The following SNX29 variants were observed in gnomAD, a reference collection of about 807,000 sequenced individuals.
SNX29 encodes sorting nexin-29.
SNX29 carries 78 observed loss-of-function variants against 102.1 expected under a neutral mutation model. The ratio of observed to expected loss-of-function variants is 0.76; its 90% CI spans 0.64 to 0.92. The LOEUF is 0.92. SNX29 is among the 40% of genes least tolerant of loss of function. The pLI is 0.00. For synonymous variants in SNX29, 580 were observed against 414.5 expected (o/e 1.40, Z -4.85); for missense variants, 1,280 against 1,061.7 (o/e 1.21, Z -2.86).
intron 20 of SNX29, among the ~76,000 whole-genome samples, chr16:12,532,736 C>G (rs138284881): frequency 6.6e-6 from 1 of 152,184 alleles, no homozygotes; most frequent in Non-Finnish European, 1.5e-5. Flanking sequence ...AGGTGTTGGC[C>G]TTGGATGGAA....
chr16:12,129,676 C>T lies in SNX29; in HGVS notation c.1513C>T (p.Leu505Phe). The stretch of plus-strand genomic sequence containing the variant: ...CGGTGAGATGGAGCACTCAGCCGCG[C>T]TCCGGCAAGAGGTGGACACCTTGAA... ...LDGEMEHSAA[L>F]RQEVDTLKRK... The change falls in exon 13 of 21, where the codon CTC (leucine) becomes TTC (phenylalanine). Residue 505 changes from leucine (L) to phenylalanine (F), a missense_variant. Transcript: ENST00000566228. 1 of 1,611,348 alleles carries T rather than the reference C, an allele frequency of 6.2e-7. No homozygotes were observed.
chr16:12,111,868 C>T (rs12596227), intron 11 of SNX29, among the ~76,000 whole-genome samples: 11,068 of 152,152 alleles, frequency 0.073, 592 homozygotes, highest in Non-Finnish European at 0.11. Context: ...AGATCCGTGT[C>T]GCCTGCTTCT....
At chr16:12,181,093 A>C (rs1364733469) in intron 13 of SNX29, among the ~76,000 whole-genome samples, 4 of 152,126 alleles carry the variant, frequency 2.6e-5, no homozygotes, top group African/African-American at 9.7e-5. Flanking sequence ...GTTACCGTGG[A>C]TCTCCTTGCG....
chr16:12,183,262 A>G (rs1227531788), intron 13 of SNX29, among the ~76,000 whole-genome samples: 2 of 152,180 alleles, frequency 1.3e-5, no homozygotes, highest in African/African-American at 2.4e-5. Context: ...TAGCCTCCCA[A>G]AGTGCTGAGA....
intron 8 of SNX29, among the ~76,000 whole-genome samples, chr16:12,053,588 AATCTT>A (rs1444090297): frequency 6.6e-6 from 1 of 152,152 alleles, no homozygotes; most frequent in East Asian, 1.9e-4. Flanking sequence ...ATCTGACCTA[AATCTT>A]ATGGTATTGT....
At chr16:12,035,439 G>A (rs2057448619) in intron 4 of SNX29, among the ~76,000 whole-genome samples, 1 of 152,136 alleles carries the variant, frequency 6.6e-6, no homozygotes, top group Non-Finnish European at 1.5e-5. Flanking sequence ...GGATGTGGGT[G>A]TATTATGCTG....
intron 14 of SNX29, among the ~76,000 whole-genome samples, chr16:12,271,921 C>CCT (rs1462322984): frequency 1.3e-5 from 2 of 152,162 alleles, no homozygotes; most frequent in African/African-American, 4.8e-5. Context: ...CTGTGCCCTG[C>CCT]CTGGGGTCCA....
chr16:12,340,251 T>C (rs2081573084), intron 15 of SNX29, among the ~76,000 whole-genome samples: 1 of 152,246 alleles, frequency 6.6e-6, no homozygotes, highest in Non-Finnish European at 1.5e-5. Flanking sequence ...TCCTGGTTAA[T>C]TTCTCAGATG....
intron 15 of SNX29, among the ~76,000 whole-genome samples, chr16:12,279,996 C>T (rs562502863): frequency 8.5e-5 from 13 of 152,206 alleles, no homozygotes; most frequent in African/African-American, 2.9e-4. Context: ...CAGCGCTCTC[C>T]GTGGAGATTC....
At chr16:12,233,622 G>C (rs1164231689) in intron 14 of SNX29, among the ~76,000 whole-genome samples, 1 of 152,124 alleles carries the variant, frequency 6.6e-6, no homozygotes, top group Non-Finnish European at 1.5e-5. Context: ...CAACTTTATT[G>C]AGATATAATT....
At position 12,568,492 on chromosome 16, in the gene SNX29, C is replaced by A; in HGVS notation, c.2319-14C>A. On this transcript the variant is annotated splice_polypyrimidine_tract_variant and intron_variant, in intron 20 of 20. Coordinates refer to ENST00000566228, the MANE Select transcript of SNX29 (RefSeq NM_032167.5). ...ATCCCCAGACTTAACCCGATTCTCT[C>A]CCTGCTCTTTCAGCGACATCACCCC... 1 of 1,609,100 alleles carries A rather than the reference C, an allele frequency of 6.2e-7. No homozygotes were observed. Among genetic ancestry groups the A allele is most frequent in the East Asian group, 2.2e-5 (1 of 44,868 alleles).
At chr16:12,309,791 C>T (rs1288854126) in intron 15 of SNX29, among the ~76,000 whole-genome samples, 3 of 152,116 alleles carry the variant, frequency 2.0e-5, no homozygotes, top group Non-Finnish European at 1.5e-5. Context: ...GGAAGGGTTT[C>T]CTTTAGAAAG....
At chr16:12,137,399 C>G (rs1259150463) in intron 13 of SNX29, among the ~76,000 whole-genome samples, 1 of 150,796 alleles carries the variant, frequency 6.6e-6, no homozygotes, top group Non-Finnish European at 1.5e-5. Context: ...TGACCTTCAG[C>G]TCCTCCTGGT....
intron 16 of SNX29, among the ~76,000 whole-genome samples, chr16:12,358,134 T>C (rs1431634628): frequency 6.6e-6 from 1 of 152,220 alleles, no homozygotes; most frequent in Non-Finnish European, 1.5e-5. Context: ...TTTTAGTGTA[T>C]GGCGTCTTAA....
At chr16:12,104,272 G>A (rs537638125) in intron 11 of SNX29, among the ~76,000 whole-genome samples, 7 of 152,196 alleles carry the variant, frequency 4.6e-5, no homozygotes, top group Admixed American at 1.3e-4. Context: ...TAAAAAACTT[G>A]TGTCCAGGTG....
intron 20 of SNX29, among the ~76,000 whole-genome samples, chr16:12,552,012 TA>T (rs1212889147): frequency 6.6e-6 from 1 of 152,180 alleles, no homozygotes; most frequent in Admixed American, 6.5e-5. Flanking sequence ...TCCCTGTCTC[TA>T]AAAAACGTGG....
chr16:12,547,410 G>A (rs2006159), intron 20 of SNX29, among the ~76,000 whole-genome samples: 5 of 152,110 alleles, frequency 3.3e-5, no homozygotes, highest in African/African-American at 1.2e-4. Flanking sequence ...CAGGTAGTTA[G>A]GGGACCATGT....
chr16:11,999,272 C>T (rs1407504245), intron 1 of SNX29, 25 bp from the exon 2 acceptor site: 18 of 1,612,898 alleles, frequency 1.1e-5, no homozygotes, highest in Non-Finnish European at 1.5e-5. Context: ...TCAGAGAGAA[C>T]TAATTAAGCC....
At chr16:12,044,841 G>A (rs1266798601) in intron 5 of SNX29, among the ~76,000 whole-genome samples, 3 of 152,096 alleles carry the variant, frequency 2.0e-5, no homozygotes, top group African/African-American at 7.2e-5. Flanking sequence ...TCGGCCTCCC[G>A]ACGTGCTGGG....
Sources: allele counts gnomAD v4.1 joint callset (sites outside exome capture counted in the v4.1 genomes callset), GRCh38; gene constraint gnomAD v4.1.1; transcripts MANE v1.5; gene names NCBI Gene and HGNC (gene_info 2026-07-23, HGNC 2026-07-21).